Variants in PLS1 observed in about 807,000 individuals in gnomAD.
PLS1 encodes plastin-1.
Under a neutral mutation model 73.7 loss-of-function variants are expected in PLS1, and 32 were observed. That is an observed-to-expected ratio of 0.43 (90% CI 0.33 to 0.58). The LOEUF is 0.58. PLS1 is among the 20% of genes least tolerant of loss of function. The probability of loss-of-function intolerance (pLI) is 0.04; values close to 1 mark genes in which losing one functional copy is unlikely to be tolerated. For missense variants in PLS1, 633 were observed against 740.5 expected, an observed-to-expected ratio of 0.85 and a Z score of 1.68; for synonymous variants, 217 against 261.3, an observed-to-expected ratio of 0.83 and a Z score of 1.63.
intron 1 of PLS1, among the ~76,000 whole-genome samples, chr3:142,643,804 TC>T (rs2036890937): frequency 1.3e-5 from 2 of 151,286 alleles, no homozygotes; most frequent in South Asian, 4.2e-4. Flanking sequence ...GTAGTTCTGC[TC>T]TTGTTAATTT....
intron 1 of PLS1, among the ~76,000 whole-genome samples, chr3:142,630,326 C>T (rs913035923): frequency 6.9e-6 from 1 of 144,696 alleles, no homozygotes; most frequent in South Asian, 2.3e-4. Context: ...GGGGCTGAGG[C>T]GGGAGGATTG....
At chr3:142,682,099 T>C (rs989414496) in intron 6 of PLS1, among the ~76,000 whole-genome samples, 1 of 152,022 alleles carries the variant, frequency 6.6e-6, no homozygotes, top group African/African-American at 2.4e-5. Context: ...CATCTGAGAA[T>C]TGGAATTGTG....
intron 1 of PLS1, among the ~76,000 whole-genome samples, chr3:142,652,155 G>A (rs2037108405): frequency 6.6e-6 from 1 of 152,170 alleles, no homozygotes; most frequent in African/African-American, 2.4e-5. Context: ...GGGCCGTGGG[G>A]CATCATTGTT....
At chr3:142,646,328 G>A (rs2036952042) in intron 1 of PLS1, among the ~76,000 whole-genome samples, 1 of 152,164 alleles carries the variant, frequency 6.6e-6, no homozygotes, top group African/African-American at 2.4e-5. Context: ...GGAGCTAGGG[G>A]GAGATTTTAT....
intron 10 of PLS1, among the ~76,000 whole-genome samples, chr3:142,693,279 T>A (rs555887462): frequency 2.6e-5 from 4 of 152,324 alleles, no homozygotes; most frequent in African/African-American, 9.6e-5. Flanking sequence ...AATAACAGAA[T>A]CCTTTAGATC....
At chr3:142,668,924 T>C (rs1014117378) in intron 2 of PLS1, among the ~76,000 whole-genome samples, 1 of 152,132 alleles carries the variant, frequency 6.6e-6, no homozygotes, top group Non-Finnish European at 1.5e-5. Flanking sequence ...ATTTCTTTGA[T>C]GCTTAGTCAT....
chr3:142,686,425 A>G, intron 9 of PLS1, 49 bp downstream of exon 9: 1 of 1,091,098 alleles, frequency 9.2e-7, no homozygotes, highest in Non-Finnish European at 1.4e-6. Context: ...AAACAGACGT[A>G]GAAAATTTAC....
intron 4 of PLS1, among the ~76,000 whole-genome samples, chr3:142,675,238 G>A (rs905025814): frequency 4.6e-5 from 7 of 152,004 alleles, no homozygotes; most frequent in African/African-American, 1.2e-4. Context: ...TTTGACCTCC[G>A]ATGGTCTGCT....
At chr3:142,609,697 A>G (rs1340615314) in intron 1 of PLS1, among the ~76,000 whole-genome samples, 1 of 152,246 alleles carries the variant, frequency 6.6e-6, no homozygotes, top group Non-Finnish European at 1.5e-5. Context: ...AAAAATTGTA[A>G]GTGAATTTTG....
At chr3:142,685,674 C>T (rs2037949912) in intron 8 of PLS1, among the ~76,000 whole-genome samples, 1 of 152,214 alleles carries the variant, frequency 6.6e-6, no homozygotes, top group African/African-American at 2.4e-5. Flanking sequence ...AGAGAGGAAG[C>T]AGAAGCTCTT....
At chr3:142,598,865 G>A (rs1465965499) in intron 1 of PLS1, among the ~76,000 whole-genome samples, 1 of 152,016 alleles carries the variant, frequency 6.6e-6, no homozygotes, top group Non-Finnish European at 1.5e-5. Flanking sequence ...GGGGGGCATG[G>A]TGGTGGGCGC....
intron 1 of PLS1, among the ~76,000 whole-genome samples, chr3:142,619,920 A>T (rs1415888035): frequency 6.6e-6 from 1 of 152,188 alleles, no homozygotes; most frequent in East Asian, 1.9e-4. Context: ...TCTATTTTTT[A>T]ATGTGATGTA....
At chr3:142,691,625 A>G (rs2107915837) in intron 10 of PLS1, among the ~76,000 whole-genome samples, 1 of 152,262 alleles carries the variant, frequency 6.6e-6, no homozygotes, top group East Asian at 1.9e-4. Context: ...TTTACTGTCT[A>G]TTAAGATAAC....
intron 1 of PLS1, among the ~76,000 whole-genome samples, chr3:142,603,736 C>G (rs544358513): frequency 1.4e-4 from 21 of 149,500 alleles, no homozygotes; most frequent in Non-Finnish European, 2.5e-4. Flanking sequence ...TGCCACTGCA[C>G]TTTAGCCTGG....
intron 1 of PLS1, among the ~76,000 whole-genome samples, chr3:142,659,565 T>TA (rs1221219816): frequency 6.6e-6 from 1 of 152,154 alleles, no homozygotes; most frequent in African/African-American, 2.4e-5. Flanking sequence ...GCTGATAGTC[T>TA]AAAAAACTGA....
chr3:142,657,220 C>T (rs2037259247), intron 1 of PLS1: 2 of 152,216 alleles, frequency 1.3e-5, no homozygotes, highest in Admixed American at 1.3e-4. Flanking sequence ...GGGCAGCAAG[C>T]AGCAGTCTTA....
chr3:142,627,401 G>C (rs1345442669), intron 1 of PLS1, among the ~76,000 whole-genome samples: 1 of 152,136 alleles, frequency 6.6e-6, no homozygotes, highest in Non-Finnish European at 1.5e-5. Flanking sequence ...TTTAAGTCAA[G>C]ATTTTGGAAA....
chr3:142,605,958 G>A (rs1424324962), intron 1 of PLS1, among the ~76,000 whole-genome samples: 1 of 152,124 alleles, frequency 6.6e-6, no homozygotes, highest in Non-Finnish European at 1.5e-5. Context: ...ATATTGTTCT[G>A]TGGGAGACTA....
intron 14 of PLS1, among the ~76,000 whole-genome samples, chr3:142,708,538 G>C (rs1372994302): frequency 6.6e-6 from 1 of 152,144 alleles, no homozygotes; most frequent in African/African-American, 2.4e-5. Flanking sequence ...GAGCCACCAC[G>C]CCCGGCCTTT....
Sources: allele counts gnomAD v4.1 joint callset (sites outside exome capture counted in the v4.1 genomes callset), GRCh38; gene constraint gnomAD v4.1.1; transcripts MANE v1.5; gene names NCBI Gene and HGNC (gene_info 2026-07-23, HGNC 2026-07-21).